MAP1B: variants seen among roughly 807,000 people sequenced by gnomAD.
The protein encoded by MAP1B is microtubule associated protein 1B.
MAP1B carries 12 observed loss-of-function variants against 176.1 expected under a neutral mutation model. The observed-to-expected ratio is 0.07, with a 90% CI of 0.04 to 0.11. MAP1B has a LOEUF of 0.11. MAP1B is among the 10% of genes least tolerant of loss of function. The pLI, the probability that MAP1B is intolerant of heterozygous loss-of-function variation, is 1.00. For synonymous variants in MAP1B, 1,044 were observed against 1,135.0 expected, an observed-to-expected ratio of 0.92 and a Z score of 1.61; for missense variants, 2,523 against 2,990.5, an observed-to-expected ratio of 0.84 and a Z score of 3.65.
At chr5:72,163,751 C>T (rs1746368668) in intron 2 of MAP1B, among the ~76,000 whole-genome samples, 1 of 152,106 alleles carries the variant, frequency 6.6e-6, no homozygotes, top group Admixed American at 6.5e-5. Context: ...CTGCCATTAT[C>T]TTGCTGTGTG....
rs146011303 is a variant in MAP1B at position 72,199,723 on chromosome 5, T to G, written c.6368T>G (p.Leu2123Arg). 21 of 1,613,896 alleles carry G rather than the reference T, an allele frequency of 1.3e-5. No individual in the cohort carries two copies. The highest frequency in any genetic ancestry group is 1.6e-4 in the Middle Eastern group (1 of 6,084). The change falls in exon 5 of 7, where the codon CTC becomes CGC. Residue 2123 changes from leucine (L) to arginine (R), a missense_variant. Leu to Arg is a moderately radical substitution (Grantham distance 102). This residue lies in a region of MAP1B where 1,925 missense variants were observed against 2,126.0 expected (regional missense o/e 0.91). Coordinates refer to ENST00000296755, the MANE Select transcript of MAP1B (RefSeq NM_005909.5). This position sits in a 1 kb window ranked among gnomAD's most constrained non-coding sequence, Gnocchi z 4.2. The stretch of plus-strand genomic sequence containing the variant: ...CCCACTGAAGAATCTGAAAAGCCCC[T>G]CACTCAATCAGGGGGAGCCCCACCG... ...EEPTEESEKP[L>R]TQSGGAPPPP...
At chr5:72,169,605 A>G (rs1055954981) in intron 2 of MAP1B, 2 of 154,270 alleles carry the variant, frequency 1.3e-5, no homozygotes, top group African/African-American at 4.8e-5. Flanking sequence ...CCTTTTTTGC[A>G]AAAGATTGTC....
chr5:72,179,779 G>T (rs1156269531), intron 2 of MAP1B: 6 of 985,352 alleles, frequency 6.1e-6, no homozygotes, highest in Non-Finnish European at 7.2e-6. Context: ...TTTGTTGAAG[G>T]AGCAGCCATG....
intron 1 of MAP1B, among the ~76,000 whole-genome samples, chr5:72,109,001 C>T (rs1238631406): frequency 6.6e-6 from 1 of 152,218 alleles, no homozygotes; most frequent in Non-Finnish European, 1.5e-5. Flanking sequence ...GCGGTCTCTA[C>T]GGCAGCCCGA....
Position 72,194,035 on chromosome 5 carries a change from C to G in MAP1B, c.680C>G (p.Ser227Cys). The G allele has an allele frequency of 6.2e-7, 1 of 1,614,210 alleles. No individual in the cohort carries two copies. Residue 227 changes from serine to cysteine, a missense_variant, in exon 5 of 7, where the codon TCT (serine) becomes TGT (cysteine). Around this residue, in one of 4 missense-constraint regions of MAP1B, gnomAD observed 307 missense variants for 438.4 expected, o/e 0.70. Transcript: ENST00000296755. The surrounding 1 kb of genome is among the most constrained non-coding windows in gnomAD (Gnocchi z 7.2). The part of the protein sequence containing the change: ...ASILPEMEGL[S>C]EFTEYLSESV... ...ATCTTGCCAGAAATGGAAGGACTTT[C>G]TGAGTTTACCGAGTATCTCTCAGAA...
chr5:72,186,569 A>G lies in MAP1B; in HGVS notation c.370-45A>G. ...AGCCCTGTCCTGAAGGTGGGATGGC[A>G]GCACTGCCCATGGCTCAGGGCCTAC... On this transcript the variant is annotated intron_variant, in intron 3 of 6. Coordinates refer to ENST00000296755, the MANE Select transcript of MAP1B (RefSeq NM_005909.5). This position sits in a 1 kb window ranked among gnomAD's most constrained non-coding sequence, Gnocchi z 4.3. 6.2e-7 allele frequency: 1 copy of G among 1,602,920 alleles called. No homozygotes were observed. The highest frequency in any genetic ancestry group is 8.5e-7 in the Non-Finnish European group (1 of 1,172,972).
At chr5:72,119,181 G>A (rs1176261111) in intron 2 of MAP1B, among the ~76,000 whole-genome samples, 1 of 152,214 alleles carries the variant, frequency 6.6e-6, no homozygotes. Flanking sequence ...TTAGTTCTGT[G>A]ATCTTTAAGC....
chr5:72,147,104 G>A (rs1746060701), intron 2 of MAP1B, among the ~76,000 whole-genome samples: 1 of 151,896 alleles, frequency 6.6e-6, no homozygotes, highest in Admixed American at 6.6e-5. Flanking sequence ...GGGACTAAGG[G>A]ACTACAGGCC....
intron 1 of MAP1B, among the ~76,000 whole-genome samples, chr5:72,115,449 G>A (rs1189020716): frequency 1.3e-5 from 2 of 152,094 alleles, no homozygotes; most frequent in African/African-American, 4.8e-5. Context: ...TTCCAGAAGA[G>A]GTGCATTTAC....
rs75922972 is a variant in MAP1B, at chr5:72,155,163, G to A, written c.287-28580G>A. Among the ~76,000 whole-genome samples the A allele has an allele frequency of 1.9e-3, 293 of 152,184 alleles. 1 individual carries two copies. The highest frequency in any genetic ancestry group is 6.2e-3 in the African/African-American group (259 of 41,528). ...CTAAACTTTTTATCTACAAAATCTC[G>A]CCTCATCAACAAAATTGTTAAACTC... is the stretch of plus-strand genomic sequence containing the variant. On this transcript the variant is annotated intron_variant, in intron 2 of 6. Transcript: ENST00000296755.
chr5:72,107,983 TC>T (rs1246321930), intron 1 of MAP1B, among the ~76,000 whole-genome samples: 1 of 152,154 alleles, frequency 6.6e-6, no homozygotes, highest in African/African-American at 2.4e-5. Context: ...CCACCGCCTC[TC>T]CCGCTAAGTG....
chr5:72,183,670 A>G, intron 2 of MAP1B, 73 bp from the exon 3 acceptor site: 1 of 1,071,902 alleles, frequency 9.3e-7, no homozygotes, highest in Non-Finnish European at 1.4e-6. Flanking sequence ...CTGCTGTCCC[A>G]GGAGCAGGCA....
intron 2 of MAP1B, among the ~76,000 whole-genome samples, chr5:72,141,681 A>G (rs1745948858): frequency 1.3e-5 from 2 of 152,222 alleles, no homozygotes; most frequent in Admixed American, 1.3e-4. Flanking sequence ...AATATTGCAT[A>G]GAATCAGTCT....
Position 72,165,504 on chromosome 5 carries a change from G to A in MAP1B, c.287-18239G>A, listed in dbSNP as rs143789372. ...TGTTACTTAGGGGATTCAATGGTCC[G>A]AAGGAGTCTGTGGCCAGGAGGAAGA... On this transcript the variant is annotated intron_variant, in intron 2 of 6. Transcript: ENST00000296755. Among the ~76,000 whole-genome samples, 43 of 152,236 alleles carry A rather than the reference G, an allele frequency of 2.8e-4. No homozygotes were observed. In the East Asian group the frequency reaches 7.5e-3, roughly 27 times the overall value.
intron 1 of MAP1B, 72 bp downstream of exon 1, chr5:72,107,787 G>C (rs995930556): frequency 6.6e-7 from 1 of 1,515,656 alleles, no homozygotes; most frequent in East Asian, 2.3e-5. Context: ...GGGCGCGACG[G>C]TCACTGCGCT....
chr5:72,141,804 T>C (rs1310021429), intron 2 of MAP1B, among the ~76,000 whole-genome samples: 1 of 152,216 alleles, frequency 6.6e-6, no homozygotes, highest in Non-Finnish European at 1.5e-5. Flanking sequence ...TCATATTACT[T>C]ACAGGCTTGG....
chr5:72,185,966 T>G (rs1746888313), intron 3 of MAP1B, among the ~76,000 whole-genome samples: 1 of 152,050 alleles, frequency 6.6e-6, no homozygotes. Flanking sequence ...GCACAGAGAG[T>G]TCCTTAGCGC....
chr5:72,164,338 T>A (rs990330055), intron 2 of MAP1B, among the ~76,000 whole-genome samples: 2 of 152,148 alleles, frequency 1.3e-5, no homozygotes, highest in Non-Finnish European at 2.9e-5. Context: ...AGGGTGTTGA[T>A]AATCTAGGCC....
chr5:72,147,595 C>G (rs1276793124), intron 2 of MAP1B, among the ~76,000 whole-genome samples: 24 of 152,172 alleles, frequency 1.6e-4, no homozygotes, highest in Admixed American at 1.5e-3. Flanking sequence ...AGGGCAAGGC[C>G]TGCGAGGACA....
Sources: allele counts gnomAD v4.1 joint callset (sites outside exome capture counted in the v4.1 genomes callset), GRCh38; gene constraint gnomAD v4.1.1; regional missense constraint gnomAD v4.1.1; non-coding constraint Gnocchi (gnomAD v3.1); transcripts MANE v1.5; gene names NCBI Gene and HGNC (gene_info 2026-07-23, HGNC 2026-07-21).